The following SLCO1C1 variants were observed in gnomAD, a reference collection of about 807,000 sequenced individuals.
SLCO1C1 encodes the protein OAT-RP-5.
In SLCO1C1, 70 loss-of-function variants were observed where a neutral mutation model predicts 76.4. The ratio of observed to expected loss-of-function variants is 0.92; its 90% CI spans 0.76 to 1.12. SLCO1C1 has a LOEUF of 1.12. SLCO1C1 is among the 50% of genes most tolerant of loss of function. The probability of loss-of-function intolerance (pLI) is 0.00; values close to 1 mark genes in which losing one functional copy is unlikely to be tolerated. For missense variants in SLCO1C1, 912 were observed against 823.8 expected, an observed-to-expected ratio of 1.11 and a Z score of -1.31; for synonymous variants, 306 against 286.1, an observed-to-expected ratio of 1.07 and a Z score of -0.70.
chr12:20,703,380 TA>T (rs1338694482), intron 3 of SLCO1C1, among the ~76,000 whole-genome samples: 1 of 146,434 alleles, frequency 6.8e-6, no homozygotes, highest in African/African-American at 2.5e-5. Flanking sequence ...TATAATTTCG[TA>T]TCTTTCTTTG....
intron 9 of SLCO1C1, among the ~76,000 whole-genome samples, chr12:20,727,923 C>G (rs1277072654): frequency 6.6e-6 from 1 of 152,194 alleles, no homozygotes; most frequent in Non-Finnish European, 1.5e-5. Context: ...GATATTAGAT[C>G]TTCATCAAAT....
At position 20,729,685 on chromosome 12, in the gene SLCO1C1, G is replaced by A. The variant is rs549881278; in HGVS notation, c.1187-3224G>A. Among the ~76,000 whole-genome samples, 19 of 151,746 alleles carry A rather than the reference G, an allele frequency of 1.3e-4. No homozygotes were observed. In the East Asian group the frequency reaches 3.4e-3, roughly 27 times the overall value. On this transcript the variant is annotated intron_variant, in intron 9 of 14. Transcript: ENST00000266509. Reference sequence around the variant, plus strand: ...TTAGGGGAAGCTCAGAGTACTCTGGGAGAACAAACCTAATCTTGGAACCAG... The same window carrying A: ...TTAGGGGAAGCTCAGAGTACTCTGGAAGAACAAACCTAATCTTGGAACCAG...
intron 9 of SLCO1C1, among the ~76,000 whole-genome samples, chr12:20,730,164 G>T (rs564255891): frequency 6.6e-6 from 1 of 152,266 alleles, no homozygotes; most frequent in African/African-American, 2.4e-5. Flanking sequence ...TCGGAGTTTG[G>T]TTTTCAGAAG....
chr12:20,709,571 TTC>T (rs1287789303), intron 4 of SLCO1C1, among the ~76,000 whole-genome samples: 1 of 151,646 alleles, frequency 6.6e-6, no homozygotes, highest in Non-Finnish European at 1.5e-5. Flanking sequence ...ATGCTAAATG[TTC>T]TCATGTGTAG....
chr12:20,728,781 T>C (rs1035242664), intron 9 of SLCO1C1, among the ~76,000 whole-genome samples: 5 of 152,016 alleles, frequency 3.3e-5, no homozygotes, highest in Non-Finnish European at 7.4e-5. Flanking sequence ...TCTCAAACAT[T>C]TTACACATCC....
chr12:20,714,775 G>T (rs1472522162), intron 5 of SLCO1C1, among the ~76,000 whole-genome samples: 1 of 152,142 alleles, frequency 6.6e-6, no homozygotes. Context: ...AAATTAAGGT[G>T]AGAAAGACTT....
chr12:20,743,573 T>C (rs537482472), intron 13 of SLCO1C1, among the ~76,000 whole-genome samples: 1 of 152,318 alleles, frequency 6.6e-6, no homozygotes, highest in South Asian at 2.1e-4. Flanking sequence ...TATTGCCTCT[T>C]TTGTGTTCCA....
At chr12:20,701,493 G>T in intron 3 of SLCO1C1, 34 bp downstream of exon 3, 1 of 1,420,836 alleles carries the variant, frequency 7.0e-7, no homozygotes, top group Non-Finnish European at 9.4e-7. Flanking sequence ...TTAATTTTAA[G>T]CCCAAGATCT....
At chr12:20,737,056 G>T in intron 10 of SLCO1C1, 51 bp from the exon 11 acceptor site, 1 of 1,369,476 alleles carries the variant, frequency 7.3e-7, no homozygotes, top group Non-Finnish European at 9.5e-7. Context: ...GAAAATATTC[G>T]GGTGCTACCT....
chr12:20,715,230 G>A lies in SLCO1C1; in HGVS notation c.621G>A (p.Leu207=), dbSNP rs1346221974. 2 of 1,613,894 alleles carry A rather than the reference G, an allele frequency of 1.2e-6. No homozygotes were observed. The highest frequency in any genetic ancestry group is 3.3e-5 in the Admixed American group (2 of 59,994). The change falls in exon 6 of 15, where the codon TTG becomes TTA. Residue 207 remains leucine, a synonymous_variant. Transcript: ENST00000266509. The part of the protein sequence containing the change: ...RGIGETPIQP[L]GIAYLDDFAS... Reference sequence around the variant, plus strand: ...TAGGAGAAACTCCCATTCAGCCTTTGGGCATTGCCTACCTGGATGATTTTG... The same window carrying A: ...TAGGAGAAACTCCCATTCAGCCTTTAGGCATTGCCTACCTGGATGATTTTG...
At chr12:20,702,535 A>G (rs1946573379) in intron 3 of SLCO1C1, among the ~76,000 whole-genome samples, 1 of 151,924 alleles carries the variant, frequency 6.6e-6, no homozygotes, top group East Asian at 1.9e-4. Flanking sequence ...CATTTCTAAT[A>G]AGCTCCTAAA....
At chr12:20,740,814 T>TATATATATATAC (rs1238632883) in intron 12 of SLCO1C1, among the ~76,000 whole-genome samples, 2 of 133,316 alleles carry the variant, frequency 1.5e-5, no homozygotes, top group South Asian at 2.5e-4. Context: ...TATATATATA[T>TATATATATATAC]ATATGGCTTT....
intron 5 of SLCO1C1, among the ~76,000 whole-genome samples, chr12:20,712,748 C>T (rs945615568): frequency 6.6e-6 from 1 of 152,074 alleles, no homozygotes; most frequent in Non-Finnish European, 1.5e-5. Flanking sequence ...AGGCAATGAA[C>T]CCCGGCTGTT....
At chr12:20,711,717 GA>G (rs59399808) in intron 5 of SLCO1C1, among the ~76,000 whole-genome samples, 5,879 of 152,156 alleles carry the variant, frequency 0.039, 142 homozygotes, top group Middle Eastern at 0.099. Context: ...AAATCTTATG[GA>G]AAAAAAGCAT....
intron 9 of SLCO1C1, among the ~76,000 whole-genome samples, chr12:20,724,449 A>ATGTG (rs1331357327): frequency 0.011 from 1,055 of 94,554 alleles, 3 homozygotes; most frequent in Non-Finnish European, 0.017. Context: ...ATATATATAT[A>ATGTG]TATGTGTGTG....
chr12:20,751,659 C>T (rs1032719424), intron 14 of SLCO1C1, among the ~76,000 whole-genome samples: 4 of 152,102 alleles, frequency 2.6e-5, no homozygotes, highest in Non-Finnish European at 5.9e-5. Flanking sequence ...GCTGTATTAA[C>T]TGTAATGTAG....
At chr12:20,720,024 C>T (rs1304987294) in intron 7 of SLCO1C1, among the ~76,000 whole-genome samples, 2 of 152,180 alleles carry the variant, frequency 1.3e-5, no homozygotes, top group East Asian at 1.9e-4. Context: ...GCTAAGGCCA[C>T]TGGTGACTTT....
Position 20,717,157 on chromosome 12 carries a change from A to G in SLCO1C1, c.702A>G (p.Ile234Met), listed in dbSNP as rs756045401. ...YIGCVQTVAI[I>M]GPIFGFLLGS... ...GGTGTGTGCAGACGGTTGCAATTAT[A>G]GGACCAATCTTTGGTTTCCTGTTAG... The change falls in exon 7 of 15, where the codon ATA (isoleucine) becomes ATG (methionine). Residue 234 changes from isoleucine (I) to methionine (M), a missense_variant. Ile to Met is a conservative substitution (Grantham distance 10, BLOSUM62 1). Coordinates refer to ENST00000266509, the MANE Select transcript of SLCO1C1 (RefSeq NM_017435.5). 5.0e-6 allele frequency: 8 copies of G among 1,604,038 alleles called. No homozygotes were observed. Among genetic ancestry groups the G allele is most frequent in the Non-Finnish European group, 6.8e-6 (8 of 1,176,800 alleles).
chr12:20,711,436 C>T lies in SLCO1C1; in HGVS notation c.455C>T (p.Ser152Phe), dbSNP rs1204653592. ...SPSSNSTLSISPCLLESSSQL... is the reference protein window; with the variant it reads ...SPSSNSTLSIFPCLLESSSQL... ...TCCTCCAATTCCACTCTCAGCATCT[C>T]TCCGTGTCTCCTAGAGTCAAGCAGT... Residue 152 changes from serine (S) to phenylalanine (F), a missense_variant, in exon 5 of 15, where the codon TCT becomes TTT. Coordinates refer to ENST00000266509, the MANE Select transcript of SLCO1C1 (RefSeq NM_017435.5). The T allele has an allele frequency of 6.2e-7, 1 of 1,613,900 alleles. No homozygotes were observed. Among genetic ancestry groups the T allele is most frequent in the Admixed American group, 1.7e-5 (1 of 60,000 alleles).
Sources: gnomAD v4.1 joint callset for allele counts (sites outside exome capture counted in the v4.1 genomes callset) on GRCh38, gnomAD v4.1.1 for gene constraint, MANE v1.5 for transcripts, NCBI Gene and HGNC (gene_info 2026-07-23, HGNC 2026-07-21) for gene names.